The following NR6A1 variants were observed in gnomAD, a reference collection of about 807,000 sequenced individuals.
The protein encoded by NR6A1 is retinoic acid receptor-related testis-associated receptor.
Under a neutral mutation model 59.1 loss-of-function variants are expected in NR6A1, and 7 were observed. The ratio of observed to expected loss-of-function variants is 0.12; its 90% CI spans 0.07 to 0.22. The LOEUF (loss-of-function observed/expected upper bound fraction) is 0.22. Ranked by LOEUF, NR6A1 falls within the 10% of genes least tolerant of loss-of-function variation. NR6A1 has a pLI of 1.00. For synonymous variants in NR6A1, 243 were observed against 236.1 expected (o/e 1.03, Z -0.27); for missense variants, 468 against 611.6 (o/e 0.77, Z 2.48).
At chr9:124,677,339 G>A (rs1397507652) in intron 2 of NR6A1, among the ~76,000 whole-genome samples, 2 of 152,030 alleles carry the variant, frequency 1.3e-5, no homozygotes, top group Admixed American at 1.3e-4. Flanking sequence ...GCTCACTGCA[G>A]CCTCAACCTC....
intron 9 of NR6A1, among the ~76,000 whole-genome samples, chr9:124,524,241 GCCA>G (rs1438237293): frequency 5.9e-5 from 9 of 152,262 alleles, no homozygotes; most frequent in African/African-American, 2.2e-4. Context: ...ACAGGCAGGA[GCCA>G]CTGTGCCCAG....
intron 2 of NR6A1, among the ~76,000 whole-genome samples, chr9:124,566,826 A>T (rs1421514349): frequency 6.6e-6 from 1 of 152,204 alleles, no homozygotes; most frequent in Non-Finnish European, 1.5e-5. Flanking sequence ...AAGAGAGGAC[A>T]GGCCGGGCGC....
chr9:124,574,233 G>A (rs915375252), intron 2 of NR6A1, among the ~76,000 whole-genome samples: 2 of 152,122 alleles, frequency 1.3e-5, no homozygotes, highest in Admixed American at 1.3e-4. Flanking sequence ...ATGAATGAAT[G>A]GCACCTATAT....
At chr9:124,718,170 T>G (rs1272611483) in intron 2 of NR6A1, among the ~76,000 whole-genome samples, 1 of 152,244 alleles carries the variant, frequency 6.6e-6, no homozygotes, top group Non-Finnish European at 1.5e-5. Context: ...CACTCATGTT[T>G]TTTCCACTGT....
chr9:124,716,315 T>C (rs1326055202), intron 2 of NR6A1, among the ~76,000 whole-genome samples: 1 of 152,128 alleles, frequency 6.6e-6, no homozygotes, highest in Non-Finnish European at 1.5e-5. Flanking sequence ...AAAAACAAAT[T>C]TGAGATCCAT....
chr9:124,762,065 A>T (rs1321577346), intron 1 of NR6A1, among the ~76,000 whole-genome samples: 1 of 152,210 alleles, frequency 6.6e-6, no homozygotes, highest in Non-Finnish European at 1.5e-5. Context: ...AAGTACTACT[A>T]ATGGTATCTG....
chr9:124,684,462 T>C (rs1010033920), intron 2 of NR6A1, among the ~76,000 whole-genome samples: 2 of 152,202 alleles, frequency 1.3e-5, no homozygotes, highest in Non-Finnish European at 2.9e-5. Flanking sequence ...GCTTCTGTAA[T>C]GCCTTTGGCT....
At chr9:124,734,133 G>A (rs1839956750) in intron 1 of NR6A1, among the ~76,000 whole-genome samples, 1 of 152,178 alleles carries the variant, frequency 6.6e-6, no homozygotes. Flanking sequence ...TATTTCCTCA[G>A]AAAAGTTTTC....
intron 2 of NR6A1, among the ~76,000 whole-genome samples, chr9:124,577,697 T>A (rs112282951): frequency 2.6e-5 from 4 of 152,368 alleles, no homozygotes; most frequent in African/African-American, 7.2e-5. Flanking sequence ...CACTCAGTGG[T>A]TGCTATTCTG....
intron 2 of NR6A1, chr9:124,692,637 C>T: frequency 1.4e-5 from 4 of 285,860 alleles, no homozygotes; most frequent in South Asian, 9.0e-5. Flanking sequence ...CCTGCAATCC[C>T]CCAAATGTGG....
intron 6 of NR6A1, among the ~76,000 whole-genome samples, chr9:124,536,348 G>T (rs962451822): frequency 5.3e-5 from 8 of 152,044 alleles, no homozygotes; most frequent in Non-Finnish European, 8.8e-5. Context: ...GGTCTGGTGA[G>T]GAAAGGCTGC....
In NR6A1 at chr9:124,620,298, A is replaced by G. The variant is rs147686676; in HGVS notation, c.143-65728T>C. On this transcript the variant is annotated intron_variant, in intron 2 of 9. Coordinates refer to ENST00000487099, the MANE Select transcript of NR6A1 (RefSeq NM_033334.4). ...TTTACCAAGTTTTATACTTCCGTAA[A>G]TAAATAATTTTTCAGAATAGGCATG... is the stretch of plus-strand genomic sequence containing the variant. Among the ~76,000 whole-genome samples the G allele has an allele frequency of 8.5e-4, 130 of 152,276 alleles. 2 individuals carry two copies. Among genetic ancestry groups the G allele is most frequent in the African/African-American group, 2.5e-3 (102 of 41,574 alleles).
chr9:124,553,330 T>A (rs1473732034), intron 3 of NR6A1, among the ~76,000 whole-genome samples: 1 of 152,168 alleles, frequency 6.6e-6, no homozygotes, highest in Non-Finnish European at 1.5e-5. Flanking sequence ...ACTAGACTTT[T>A]ACTACCACCT....
chr9:124,663,470 T>A (rs1036362833), intron 2 of NR6A1, among the ~76,000 whole-genome samples: 2 of 152,130 alleles, frequency 1.3e-5, no homozygotes, highest in Non-Finnish European at 2.9e-5. Flanking sequence ...ACAAGTCACT[T>A]CCCCTCTTTG....
intron 2 of NR6A1, among the ~76,000 whole-genome samples, chr9:124,689,623 T>G (rs1747788989): frequency 6.6e-6 from 1 of 152,236 alleles, no homozygotes; most frequent in South Asian, 2.1e-4. Context: ...TCTCACATTT[T>G]AAAGATGAGT....
intron 1 of NR6A1, among the ~76,000 whole-genome samples, chr9:124,759,385 C>A (rs1840725718): frequency 6.6e-6 from 1 of 152,206 alleles, no homozygotes; most frequent in Non-Finnish European, 1.5e-5. Flanking sequence ...ACAGAAACTA[C>A]ATTCTAGTTC....
intron 2 of NR6A1, among the ~76,000 whole-genome samples, chr9:124,571,922 TAAA>T (rs777759158): frequency 7.0e-6 from 1 of 143,504 alleles, no homozygotes; most frequent in Non-Finnish European, 1.5e-5. Flanking sequence ...TTACTTACCA[TAAA>T]AAAAAAAAAT....
At chr9:124,616,284 C>A (rs545630629) in intron 2 of NR6A1, among the ~76,000 whole-genome samples, 1 of 151,500 alleles carries the variant, frequency 6.6e-6, no homozygotes, top group Non-Finnish European at 1.5e-5. Flanking sequence ...TGCCTGTAAT[C>A]CCAAGCTACT....
chr9:124,622,535 C>T (rs1836107666), intron 2 of NR6A1, among the ~76,000 whole-genome samples: 1 of 152,158 alleles, frequency 6.6e-6, no homozygotes, highest in African/African-American at 2.4e-5. Context: ...ATCACATTCT[C>T]TGAGGAGAAA....
Sources: allele counts gnomAD v4.1 joint callset (sites outside exome capture counted in the v4.1 genomes callset), GRCh38; gene constraint gnomAD v4.1.1; transcripts MANE v1.5; gene names NCBI Gene and HGNC (gene_info 2026-07-23, HGNC 2026-07-21).